The following WDR17 variants were observed in gnomAD, a reference collection of about 807,000 sequenced individuals.
WDR17 encodes WD repeat domain 17, also known as WD repeat-containing protein 17.
A neutral mutation model predicts 161.7 loss-of-function variants in WDR17; 143 were observed. That is an observed-to-expected ratio of 0.88 (90% CI 0.77 to 1.02). The LOEUF (loss-of-function observed/expected upper bound fraction) is 1.02, where lower values mean the gene tolerates loss of function less well. Among genes scored for constraint, WDR17 ranks in the 50% least tolerant of loss-of-function variants. The pLI is 0.00. For missense variants in WDR17, 1,469 were observed against 1,520.9 expected, an observed-to-expected ratio of 0.97 and a Z score of 0.57; for synonymous variants, 517 against 515.6, an observed-to-expected ratio of 1.00 and a Z score of -0.04.
intron 18 of WDR17, among the ~76,000 whole-genome samples, chr4:176,158,915 G>A (rs1357569891): frequency 2.0e-5 from 3 of 152,106 alleles, no homozygotes; most frequent in African/African-American, 7.2e-5. Context: ...AATGCCCAGG[G>A]AAGTAGATTA....
At chr4:176,092,165 T>A (rs1736207596) in intron 1 of WDR17, among the ~76,000 whole-genome samples, 1 of 152,162 alleles carries the variant, frequency 6.6e-6, no homozygotes. Flanking sequence ...TAAAGGCCAG[T>A]GTTTCCGATG....
chr4:176,131,309 G>A (rs1362115892), intron 6 of WDR17, among the ~76,000 whole-genome samples: 1 of 152,106 alleles, frequency 6.6e-6, no homozygotes, highest in Admixed American at 6.5e-5. Context: ...ATTCACAACA[G>A]ATTGTGATTC....
At position 176,181,419 on chromosome 4, in the gene WDR17, A is replaced by G. The variant is rs187241795; in HGVS notation, c.*1840A>G. The G allele has an allele frequency of 2.5e-3, 479 of 192,326 alleles. 2 individuals carry two copies. Among genetic ancestry groups the G allele is most frequent in the African/African-American group, 0.011 (458 of 42,108 alleles). 11.9% of individuals were successfully genotyped at this position (192,326 alleles called of 1,614,324 possible). A position where few individuals can be genotyped will look rare whatever the true frequency, so the allele number is the denominator to read the frequency against. ...GAGGCGGAGGTTGCAGTGAGCTGAG[A>G]TCGCACTACTGCACTCCAGCCTGGG... On this transcript the variant is annotated 3_prime_UTR_variant, in exon 29 of 29. Coordinates refer to ENST00000508596, the MANE Select transcript of WDR17 (RefSeq NM_181265.4).
At chr4:176,111,477 G>C in intron 1 of WDR17, 98 bp from the exon 2 acceptor site, 1 of 1,333,196 alleles carries the variant, frequency 7.5e-7, no homozygotes. Context: ...ATGTTTTTCA[G>C]GGCACACAGG....
At chr4:176,068,597 G>C (rs184033665) in intron 1 of WDR17, among the ~76,000 whole-genome samples, 97 of 151,984 alleles carry the variant, frequency 6.4e-4, no homozygotes, top group Non-Finnish European at 8.7e-4. Flanking sequence ...GCAAGACAAC[G>C]TCAAAAAAAT....
chr4:176,116,511 T>A (rs1740665927), intron 3 of WDR17, among the ~76,000 whole-genome samples: 1 of 151,902 alleles, frequency 6.6e-6, no homozygotes, highest in African/African-American at 2.4e-5. Flanking sequence ...TCGCATTTAA[T>A]CTTATCCCAT....
In WDR17 at chr4:176,181,736, CTTAAAAGGATATCA is replaced by C. The variant is rs1426592700; in HGVS notation, c.*2162_*2175del. The C allele has an allele frequency of 3.3e-5, 5 of 152,380 alleles. No individual in the cohort carries two copies. Among genetic ancestry groups the C allele is most frequent in the Non-Finnish European group, 7.3e-5 (5 of 68,052 alleles). The allele number at this position is 152,380 out of a possible 1,614,324, so 9.4% of individuals were successfully genotyped here. A position where few individuals can be genotyped will look rare whatever the true frequency, so the allele number is the denominator to read the frequency against. The stretch of plus-strand genomic sequence containing the variant: ...AAGCCTATCTTTTTGTGCTTACATA[CTTAAAAGGATATCA>C]TTAAGTATATAAACAATCATTACTT... On this transcript the variant is annotated 3_prime_UTR_variant, in exon 29 of 29. Transcript: ENST00000508596.
intron 1 of WDR17, among the ~76,000 whole-genome samples, chr4:176,094,225 T>C (rs1397201031): frequency 6.6e-6 from 1 of 152,226 alleles, no homozygotes; most frequent in Non-Finnish European, 1.5e-5. Flanking sequence ...TTCAGGAATA[T>C]ATGCCTTCAG....
intron 18 of WDR17, among the ~76,000 whole-genome samples, chr4:176,158,552 G>T (rs935969285): frequency 2.0e-5 from 3 of 152,192 alleles, no homozygotes; most frequent in Non-Finnish European, 4.4e-5. Context: ...TGAGCTTGAA[G>T]TTCCTTGTGA....
intron 1 of WDR17, among the ~76,000 whole-genome samples, chr4:176,080,188 GA>G (rs550654388): frequency 1.3e-5 from 2 of 151,864 alleles, no homozygotes; most frequent in Non-Finnish European, 2.9e-5. Flanking sequence ...ATTTTGTGGG[GA>G]ACATCATAAG....
chr4:176,089,983 T>C (rs1735911610), intron 1 of WDR17, among the ~76,000 whole-genome samples: 1 of 152,186 alleles, frequency 6.6e-6, no homozygotes, highest in African/African-American at 2.4e-5. Context: ...TTTGCCTGCC[T>C]GGTCATTATT....
At chr4:176,126,517 G>T (rs1256958194) in intron 5 of WDR17, among the ~76,000 whole-genome samples, 5 of 152,026 alleles carry the variant, frequency 3.3e-5, no homozygotes, top group South Asian at 4.1e-4. Flanking sequence ...TGTATCTGTG[G>T]GTTCTGCATC....
intron 9 of WDR17, among the ~76,000 whole-genome samples, chr4:176,138,663 G>A (rs919314466): frequency 1.3e-5 from 2 of 151,712 alleles, no homozygotes; most frequent in African/African-American, 2.4e-5. Flanking sequence ...TTCAAAAATT[G>A]TATATCTTTA....
chr4:176,137,723 T>C, intron 9 of WDR17, 112 bp downstream of exon 9: 1 of 556,774 alleles, frequency 1.8e-6, no homozygotes, highest in East Asian at 3.8e-5. Flanking sequence ...AGGTGGTATG[T>C]GTGTTCTCTC....
chr4:176,129,504 A>G (rs28409590), intron 6 of WDR17, among the ~76,000 whole-genome samples: 37,576 of 151,986 alleles, frequency 0.25, 4,782 homozygotes, highest in South Asian at 0.28. Flanking sequence ...TAAGGGAAAA[A>G]TAATAGACTT....
At chr4:176,175,630 C>A (rs1049085767) in intron 26 of WDR17, among the ~76,000 whole-genome samples, 1 of 152,030 alleles carries the variant, frequency 6.6e-6, no homozygotes, top group East Asian at 1.9e-4. Flanking sequence ...CAATCTCAGC[C>A]CACTGCAACC....
intron 1 of WDR17, 91 bp from the exon 2 acceptor site, chr4:176,111,484 C>T: frequency 7.3e-7 from 1 of 1,375,516 alleles, no homozygotes; most frequent in Admixed American, 2.5e-5. Context: ...TCAGGGCACA[C>T]AGGTAAGGGT....
At position 176,176,030 on chromosome 4, in the gene WDR17, A is replaced by G. The variant is rs992141257; in HGVS notation, c.3450-1028A>G. 1.3e-5 allele frequency among the ~76,000 whole-genome samples: 2 copies of G among 152,232 alleles called. 1 individual carries two copies. Among genetic ancestry groups the G allele is most frequent in the Admixed American group, 1.3e-4 (2 of 15,282 alleles). On this transcript the variant is annotated intron_variant, in intron 26 of 28. Transcript: ENST00000508596. The stretch of plus-strand genomic sequence containing the variant: ...CATGCTCAGGGAAAAATCTCTTTCT[A>G]CATAGGTAGCATAACCAAAATTGGA...
At chr4:176,159,282 C>T (rs1384134263) in intron 18 of WDR17, among the ~76,000 whole-genome samples, 1 of 149,420 alleles carries the variant, frequency 6.7e-6, no homozygotes, top group Non-Finnish European at 1.5e-5. Context: ...CATGCACACA[C>T]ACACACACAC....
Sources: gnomAD v4.1 joint callset for allele counts (sites outside exome capture counted in the v4.1 genomes callset) on GRCh38, gnomAD v4.1.1 for gene constraint, MANE v1.5 for transcripts, NCBI Gene and HGNC (gene_info 2026-07-23, HGNC 2026-07-21) for gene names.